LIPN: variants seen among roughly 807,000 people sequenced by gnomAD.
The protein encoded by LIPN is lipase member N.
A neutral mutation model predicts 43.7 loss-of-function variants in LIPN; 32 were observed. The ratio of observed to expected loss-of-function variants is 0.73; its 90% CI spans 0.55 to 0.98. The LOEUF (loss-of-function observed/expected upper bound fraction) is 0.98, where lower values mean the gene tolerates loss of function less well. Ranked by LOEUF, LIPN falls within the 50% of genes least tolerant of loss-of-function variation. The pLI is 0.00. For synonymous variants in LIPN, 156 were observed against 157.6 expected (o/e 0.99, Z 0.08); for missense variants, 505 against 483.8 (o/e 1.04, Z -0.41).
In LIPN at chr10:88,778,331, C is replaced by G; in HGVS notation, c.*89C>G. On this transcript the variant is annotated 3_prime_UTR_variant, in exon 10 of 10. Coordinates refer to ENST00000404459, the MANE Select transcript of LIPN (RefSeq NM_001102469.2). ...TAGTAACCAACAATGAGGTTGTCCC[C>G]CAGCACCCTGGGGGAGATGCACAGT... is the stretch of plus-strand genomic sequence containing the variant. 1.1e-6 allele frequency: 1 copy of G among 903,534 alleles called. No individual in the cohort carries two copies. Among genetic ancestry groups the G allele is most frequent in the South Asian group, 1.6e-5 (1 of 61,998 alleles). The allele number at this position is 903,534 out of a possible 1,614,324, so 56.0% of individuals were successfully genotyped here. A position where few individuals can be genotyped will look rare whatever the true frequency, so the allele number is the denominator to read the frequency against.
intron 3 of LIPN, 99 bp downstream of exon 3, chr10:88,762,404 T>C: frequency 2.7e-6 from 2 of 753,640 alleles, no homozygotes; most frequent in South Asian, 3.2e-5. Flanking sequence ...TTATCAAAAT[T>C]GGTTTGAATT....
In LIPN at chr10:88,778,471, C is replaced by T. The variant is rs1231875783; in HGVS notation, c.*229C>T. On this transcript the variant is annotated 3_prime_UTR_variant, in exon 10 of 10. Transcript: ENST00000404459. ...GAGGTAGATTAGGCAAAAAGATAAA[C>T]AAGTTGCTACTCTATCTGGCATTTA... 6.6e-6 allele frequency among the ~76,000 whole-genome samples: 1 copy of T among 152,104 alleles called. No individual in the cohort carries two copies. The highest frequency in any genetic ancestry group is 1.5e-5 in the Non-Finnish European group (1 of 68,024).
chr10:88,761,559 A>G (rs1284918489), intron 2 of LIPN, 46 bp downstream of exon 2: 1 of 1,310,886 alleles, frequency 7.6e-7, no homozygotes, highest in Non-Finnish European at 1.1e-6. Flanking sequence ...AGCAGGACTA[A>G]TGGAGTATGA....
At chr10:88,760,984 A>T (rs1166565575) in intron 1 of LIPN, among the ~76,000 whole-genome samples, 2 of 152,016 alleles carry the variant, frequency 1.3e-5, no homozygotes, top group Admixed American at 6.6e-5. Flanking sequence ...TTATTGATCC[A>T]TTTTTCTTGT....
At position 88,762,325 on chromosome 10, in the gene LIPN, T is replaced by G; in HGVS notation, c.226+20T>G. On this transcript the variant is annotated intron_variant, in intron 3 of 9. Transcript: ENST00000404459. ...GCACAGGTACAAGATATGTCTCTCC[T>G]GAAAAGGGGACTGCATTGACCTCCT... 1 of 1,451,058 alleles carries G rather than the reference T, an allele frequency of 6.9e-7. No individual in the cohort carries two copies. Among genetic ancestry groups the G allele is most frequent in the Non-Finnish European group, 9.6e-7 (1 of 1,041,988 alleles). The allele number at this position is 1,451,058 out of a possible 1,614,324, so 89.9% of individuals were successfully genotyped here. A position where few individuals can be genotyped will look rare whatever the true frequency, so the allele number is the denominator to read the frequency against.
chr10:88,774,425 C>A (rs1306858940), intron 7 of LIPN, 48 bp from the exon 8 acceptor site: 3 of 1,380,020 alleles, frequency 2.2e-6, no homozygotes, highest in African/African-American at 1.4e-5. Context: ...TTCTGAAAGG[C>A]AAAATTTTGT....
chr10:88,767,154 G>A (rs370392617), intron 5 of LIPN, among the ~76,000 whole-genome samples: 1 of 151,920 alleles, frequency 6.6e-6, no homozygotes, highest in African/African-American at 2.4e-5. Context: ...AATTTTAAGA[G>A]AATAAATCAT....
chr10:88,764,149 G>A (rs918779255), intron 3 of LIPN, among the ~76,000 whole-genome samples: 1 of 151,924 alleles, frequency 6.6e-6, no homozygotes, highest in African/African-American at 2.4e-5. Flanking sequence ...GTTGTTGCAA[G>A]AATTTAGTAA....
rs1358468016 is a variant in LIPN, at chr10:88,764,496, T to C, written c.313T>C (p.Phe105Leu). The C allele has an allele frequency of 6.2e-7, 1 of 1,612,396 alleles. No homozygotes were observed. Among genetic ancestry groups the C allele is most frequent in the Non-Finnish European group, 8.5e-7 (1 of 1,179,020 alleles). The change falls in exon 4 of 10, where the codon TTC becomes CTC. Residue 105 changes from phenylalanine to leucine, a missense_variant. Transcript: ENST00000404459. Reference protein sequence around the residue: ...LENYANGSLGFLLADAGYDVW... With the variant: ...LENYANGSLGLLLADAGYDVW... Reference sequence around the variant, plus strand: ...GAATTATGCTAATGGAAGCCTTGGATTCCTTCTAGCAGATGCAGGTTATGA... The same window carrying C: ...GAATTATGCTAATGGAAGCCTTGGACTCCTTCTAGCAGATGCAGGTTATGA...
chr10:88,764,902 A>G (rs1285022376), intron 4 of LIPN, among the ~76,000 whole-genome samples: 1 of 152,020 alleles, frequency 6.6e-6, no homozygotes, highest in African/African-American at 2.4e-5. Context: ...GTGCACATTC[A>G]TTCAGCCAAT....
rs303470 is a variant in LIPN, at chr10:88,774,328, A to T, written c.820-145A>T. ...TTCACTCACATTAAAGTATTGACCT[A>T]AATGGTATATTTATCTAGATAATTC... On this transcript the variant is annotated intron_variant, in intron 7 of 9. Transcript: ENST00000404459. The T allele has an allele frequency of 0.18, 106,666 of 595,876 alleles. 10,342 individuals are homozygous for T. Among genetic ancestry groups the T allele is most frequent in the Non-Finnish European group, 0.21 (68,251 of 330,552 alleles). The allele number at this position is 595,876 out of a possible 1,614,324, so 36.9% of individuals were successfully genotyped here. A position where few individuals can be genotyped will look rare whatever the true frequency, so the allele number is the denominator to read the frequency against.
chr10:88,758,951 A>G (rs1462914848), upstream of LIPN, among the ~76,000 whole-genome samples: 1 of 152,138 alleles, frequency 6.6e-6, no homozygotes, highest in African/African-American at 2.4e-5. Context: ...AGTCCAATAA[A>G]GTTTTGTTAG....
At chr10:88,769,710 G>T in intron 6 of LIPN, 1 of 333,904 alleles carries the variant, frequency 3.0e-6, no homozygotes, top group Non-Finnish European at 4.3e-6. Context: ...GTTGGTTTGG[G>T]GTAGAGTGGT....
At chr10:88,763,300 C>G (rs1361919169) in intron 3 of LIPN, among the ~76,000 whole-genome samples, 1 of 151,928 alleles carries the variant, frequency 6.6e-6, no homozygotes, top group Non-Finnish European at 1.5e-5. Flanking sequence ...TGTAGAGCAT[C>G]CTGGAACTTT....
intron 5 of LIPN, among the ~76,000 whole-genome samples, chr10:88,768,465 G>A (rs1192999909): frequency 6.6e-6 from 1 of 151,904 alleles, no homozygotes. Context: ...GATGAAATGA[G>A]AATGTTGCCA....
intron 4 of LIPN, among the ~76,000 whole-genome samples, chr10:88,765,240 C>T (rs1296495410): frequency 6.6e-6 from 1 of 151,976 alleles, no homozygotes; most frequent in Non-Finnish European, 1.5e-5. Context: ...GAGTTTTCTG[C>T]TGTCACCAGA....
chr10:88,775,310 T>C (rs926103217), intron 9 of LIPN, 147 bp downstream of exon 9: 17 of 418,876 alleles, frequency 4.1e-5, no homozygotes, highest in Non-Finnish European at 6.6e-5. Context: ...TTAATTTTAA[T>C]TTATTTCAGA....
intron 4 of LIPN, 22 bp downstream of exon 4, chr10:88,764,630 T>C (rs748801013): frequency 3.3e-6 from 5 of 1,537,680 alleles, no homozygotes; most frequent in Non-Finnish European, 4.4e-6. Flanking sequence ...CTAAGAAAAC[T>C]CAAGGGGGAA....
At position 88,779,185 on chromosome 10, in the gene LIPN, A is replaced by G. The variant is rs894838297; in HGVS notation, c.*943A>G. ...GTAACCACCACTTTGGCTGCTACAT[A>G]GAGAATGGATTAGAAGATGCCAACA... On this transcript the variant is annotated 3_prime_UTR_variant, in exon 10 of 10. Coordinates refer to ENST00000404459, the MANE Select transcript of LIPN (RefSeq NM_001102469.2). Among the ~76,000 whole-genome samples the G allele has an allele frequency of 1.3e-5, 2 of 152,232 alleles. No homozygotes were observed. Among genetic ancestry groups the G allele is most frequent in the African/African-American group, 4.8e-5 (2 of 41,468 alleles).
Sources: gnomAD v4.1 joint callset for allele counts (sites outside exome capture counted in the v4.1 genomes callset) on GRCh38, gnomAD v4.1.1 for gene constraint, MANE v1.5 for transcripts, NCBI Gene and HGNC (gene_info 2026-07-23, HGNC 2026-07-21) for gene names.